Variants in PTPN7 observed in about 807,000 individuals in gnomAD.
PTPN7 encodes protein tyrosine phosphatase non-receptor type 7.
In PTPN7, 33 loss-of-function variants were observed where a neutral mutation model predicts 50.3. The observed-to-expected ratio is 0.66, with a 90% CI of 0.50 to 0.88. PTPN7 has a LOEUF of 0.88. Ranked by LOEUF, PTPN7 falls within the 40% of genes least tolerant of loss-of-function variation. The probability of loss-of-function intolerance (pLI) is 0.00; values close to 1 mark genes in which losing one functional copy is unlikely to be tolerated. For missense variants in PTPN7, 412 were observed against 475.4 expected, an observed-to-expected ratio of 0.87 and a Z score of 1.24; for synonymous variants, 185 against 186.6, an observed-to-expected ratio of 0.99 and a Z score of 0.07.
chr1:202,149,069 G>A (rs1398072487), intron 9 of PTPN7, among the ~76,000 whole-genome samples: 1 of 152,010 alleles, frequency 6.6e-6, no homozygotes, highest in East Asian at 1.9e-4. Context: ...TTGCCAGGGT[G>A]GTCTTGAACT....
rs1406332450 is a variant in PTPN7, at chr1:202,147,702, A to G, written c.*904T>C. The G allele has an allele frequency of 6.6e-6, 1 of 152,160 alleles. No homozygotes were observed. The highest frequency in any genetic ancestry group is 1.5e-5 in the Non-Finnish European group (1 of 68,038). 9.4% of individuals were successfully genotyped at this position (152,160 alleles called of 1,614,324 possible). ...GTTATGACCCTGATTGTTTTTGGAAACAGCCAAGCTCTCTAGGTGTACTCA... is the reference window on the plus strand; with the variant it reads ...GTTATGACCCTGATTGTTTTTGGAAGCAGCCAAGCTCTCTAGGTGTACTCA... On this transcript the variant is annotated 3_prime_UTR_variant, in exon 10 of 10. Transcript: ENST00000691036.
At chr1:202,160,698 T>C (rs4309039), upstream of PTPN7, 686,808 of 1,550,270 alleles carry the variant, frequency 0.44, 158,316 homozygotes, top group South Asian at 0.64. The surrounding 1 kb of genome is among the most constrained non-coding windows in gnomAD (Gnocchi z 4.8). Context: ...TCTGCCCTCC[T>C]GTGCCTGCTG....
intron 2 of PTPN7, chr1:202,158,843 C>G (rs1374800806): frequency 6.1e-6 from 1 of 163,382 alleles, no homozygotes; most frequent in African/African-American, 2.5e-5. Flanking sequence ...AGGCCGGTCT[C>G]TAATTCCTGG....
rs6693351 is a variant in PTPN7, at chr1:202,152,066, C to T, written c.875+476G>A. Among the ~76,000 whole-genome samples, 402 of 152,232 alleles carry T rather than the reference C, an allele frequency of 2.6e-3. 1 individual carries two copies. The highest frequency in any genetic ancestry group is 9.2e-3 in the African/African-American group (382 of 41,552). ...CTGGGATTACAAGTGTGTGCTACCACGCCTGGCTAATTTTTGTATTTTTTA... is the reference window on the plus strand; with the variant it reads ...CTGGGATTACAAGTGTGTGCTACCATGCCTGGCTAATTTTTGTATTTTTTA... On this transcript the variant is annotated intron_variant, in intron 8 of 9. Transcript: ENST00000691036.
rs1361099598 is a variant in PTPN7, at chr1:202,150,301, A to G, written c.989+10T>C. ...AACGTTGTTGGCCTTGTTTACACCC[A>G]CAGACCCACCTGTCTAGCCGCAGTT... On this transcript the variant is annotated intron_variant, in intron 9 of 9. Transcript: ENST00000691036. The G allele has an allele frequency of 5.0e-6, 8 of 1,603,254 alleles. No individual in the cohort carries two copies. The highest frequency in any genetic ancestry group is 1.7e-5 in the Admixed American group (1 of 59,176).
At chr1:202,153,674 T>C in intron 7 of PTPN7, 51 bp downstream of exon 7, 1 of 1,448,356 alleles carries the variant, frequency 6.9e-7, no homozygotes, top group Non-Finnish European at 9.7e-7. Context: ...GTCCCAGAGA[T>C]GCTGTGGGCG....
Position 202,158,180 on chromosome 1 carries a change from G to A in PTPN7, c.244C>T (p.Leu82Phe). Residue 82 changes from leucine to phenylalanine, a missense_variant, in exon 3 of 10, where the codon CTT becomes TTT. Transcript: ENST00000691036. ...TGGCGCTGAAGGGCCCAGCGGGTAAGGGGGTGTCCAGCAGTGCGCAGAAAG... is the reference window on the plus strand; with the variant it reads ...TGGCGCTGAAGGGCCCAGCGGGTAAAGGGGTGTCCAGCAGTGCGCAGAAAG... ...LHFLRTAGHP[L>F]TRWALQRQPP... The A allele has an allele frequency of 6.2e-7, 1 of 1,613,408 alleles. No individual in the cohort carries two copies. The highest frequency in any genetic ancestry group is 1.1e-5 in the South Asian group (1 of 91,008).
rs778526344 is a variant in PTPN7, at chr1:202,158,310, A to G, written c.123-9T>C. On this transcript the variant is annotated splice_polypyrimidine_tract_variant and intron_variant, in intron 2 of 9. Coordinates refer to ENST00000691036, the MANE Select transcript of PTPN7 (RefSeq NM_002832.4). ...CCACATTGGAGCCCCGCCTGCAGGC[A>G]TAGCCCACCACTGCCTAGTGAGCAC... is the stretch of plus-strand genomic sequence containing the variant. 2.5e-6 allele frequency: 4 copies of G among 1,613,540 alleles called. No individual in the cohort carries two copies. Among genetic ancestry groups the G allele is most frequent in the Non-Finnish European group, 3.4e-6 (4 of 1,179,760 alleles).
At chr1:202,151,462 G>T (rs1307425059) in intron 8 of PTPN7, among the ~76,000 whole-genome samples, 1 of 152,192 alleles carries the variant, frequency 6.6e-6, no homozygotes, top group Non-Finnish European at 1.5e-5. Context: ...TGGTTTAGGA[G>T]ACTTGGTTCT....
chr1:202,157,844 G>A (rs1312830921), intron 3 of PTPN7, 21 bp from the exon 4 acceptor site: 1 of 1,601,416 alleles, frequency 6.2e-7, no homozygotes, highest in Admixed American at 1.7e-5. Context: ...GAGGAAATGG[G>A]TGAGCAGCTG....
At chr1:202,148,870 T>G (rs1655621146) in intron 9 of PTPN7, among the ~76,000 whole-genome samples, 171 bp from the exon 10 acceptor site, 1 of 145,242 alleles carries the variant, frequency 6.9e-6, no homozygotes, top group Admixed American at 6.9e-5. Context: ...TTTTTTTTTT[T>G]TGTGAGACAG....
At position 202,154,491 on chromosome 1, in the gene PTPN7, G is replaced by A. The variant is rs539471951; in HGVS notation, c.469-168C>T. Among the ~76,000 whole-genome samples, 10 of 152,318 alleles carry A rather than the reference G, an allele frequency of 6.6e-5. No individual in the cohort carries two copies. The East Asian group carries it at 9.6e-4, about 15-fold the overall frequency. ...AGAAGCCACATGATGGAAAGGATAC[G>A]GGTTCTGGAATGAGGATCAGATCCC... On this transcript the variant is annotated intron_variant, in intron 5 of 9. Transcript: ENST00000691036.
chr1:202,153,057 G>C lies in PTPN7; in HGVS notation c.718-358C>G, dbSNP rs927731458. Among the ~76,000 whole-genome samples the C allele has an allele frequency of 2.6e-5, 4 of 152,214 alleles. No homozygotes were observed. In the East Asian group the frequency reaches 7.7e-4, roughly 29 times the overall value. On this transcript the variant is annotated intron_variant, in intron 7 of 9. Transcript: ENST00000691036. ...ATATTTGGAGGAGAATGAGTTGATA[G>C]AGGAATGCTTTCAAAAATATAAAAC... is the stretch of plus-strand genomic sequence containing the variant.
rs1017497593 is a variant in PTPN7, at chr1:202,159,103, T to C, written c.122+178A>G. ...GGCTCATGGTTGATATGAAACTCTGTGCTCCAGACATGCAAAAGACATGCA... is the reference window on the plus strand; with the variant it reads ...GGCTCATGGTTGATATGAAACTCTGCGCTCCAGACATGCAAAAGACATGCA... On this transcript the variant is annotated intron_variant, in intron 2 of 9. Coordinates refer to ENST00000691036, the MANE Select transcript of PTPN7 (RefSeq NM_002832.4). This position sits in a 1 kb window ranked among gnomAD's most constrained non-coding sequence, Gnocchi z 4.6. 1 of 633,284 alleles carries C rather than the reference T, an allele frequency of 1.6e-6. No individual in the cohort carries two copies. Among genetic ancestry groups the C allele is most frequent in the Non-Finnish European group, 2.8e-6 (1 of 360,002 alleles). 39.2% of individuals were successfully genotyped at this position (633,284 alleles called of 1,614,324 possible). A position where few individuals can be genotyped will look rare whatever the true frequency, so the allele number is the denominator to read the frequency against.
In PTPN7 at chr1:202,147,596, G is replaced by A. The variant is rs997224369; in HGVS notation, c.*1010C>T. 5 of 152,228 alleles carry A rather than the reference G, an allele frequency of 3.3e-5. No homozygotes were observed. The highest frequency in any genetic ancestry group is 1.2e-4 in the African/African-American group (5 of 41,448). The allele number at this position is 152,228 out of a possible 1,614,324, so 9.4% of individuals were successfully genotyped here. A position where few individuals can be genotyped will look rare whatever the true frequency, so the allele number is the denominator to read the frequency against. On this transcript the variant is annotated 3_prime_UTR_variant, in exon 10 of 10. Coordinates refer to ENST00000691036, the MANE Select transcript of PTPN7 (RefSeq NM_002832.4). ...GTCCCCTGGAAATTGTGTTGATGCT[G>A]AGATGGATGAGGGGTGCTCATTCTC...
intron 7 of PTPN7, 107 bp from the exon 8 acceptor site, chr1:202,152,806 G>A (rs1186245820): frequency 8.4e-6 from 11 of 1,314,934 alleles, no homozygotes; most frequent in Non-Finnish European, 1.2e-5. Flanking sequence ...CTGTGGGGGG[G>A]TCATCTACTC....
rs753387250 is a variant in PTPN7, at chr1:202,159,479, T to A, written c.-52-25A>T. ...CCTGAAAGACAGGGCCCTCCGCTGCTGTTCTCTGGCCTGCCTGATTGGCCA... is the reference window on the plus strand; with the variant it reads ...CCTGAAAGACAGGGCCCTCCGCTGCAGTTCTCTGGCCTGCCTGATTGGCCA... On this transcript the variant is annotated intron_variant, in intron 1 of 9. Coordinates refer to ENST00000691036, the MANE Select transcript of PTPN7 (RefSeq NM_002832.4). The surrounding 1 kb of genome is among the most constrained non-coding windows in gnomAD (Gnocchi z 4.6). 1 of 1,605,296 alleles carries A rather than the reference T, an allele frequency of 6.2e-7. No homozygotes were observed.
At chr1:202,152,849 T>C in intron 7 of PTPN7, 150 bp from the exon 8 acceptor site, 2 of 832,820 alleles carry the variant, frequency 2.4e-6, no homozygotes, top group Non-Finnish European at 3.7e-6. Context: ...TCGTGCTCAT[T>C]GTTCTCCACC....
chr1:202,152,421 T>C (rs1489410230), intron 8 of PTPN7, 121 bp downstream of exon 8: 12 of 1,206,326 alleles, frequency 9.9e-6, no homozygotes, highest in East Asian at 5.1e-5. Context: ...TTGCGAGTCA[T>C]GTCTGAGTAA....
Sources: allele counts gnomAD v4.1 joint callset (sites outside exome capture counted in the v4.1 genomes callset), GRCh38; gene constraint gnomAD v4.1.1; non-coding constraint Gnocchi (gnomAD v3.1); transcripts MANE v1.5; gene names NCBI Gene and HGNC (gene_info 2026-07-23, HGNC 2026-07-21).